SHROOM2: variants seen among roughly 807,000 people sequenced by gnomAD.
SHROOM2 encodes shroom family member 2, also known as protein Shroom2.
A neutral mutation model predicts 75.9 loss-of-function variants in SHROOM2; 33 were observed. The ratio of observed to expected loss-of-function variants is 0.43; its 90% CI spans 0.33 to 0.58. The LOEUF (loss-of-function observed/expected upper bound fraction) is 0.58. Among genes scored for constraint, SHROOM2 ranks in the 20% least tolerant of loss-of-function variants. SHROOM2 has a pLI of 0.04. For missense variants in SHROOM2, 1,434 were observed against 1,461.2 expected (o/e 0.98, Z 0.30); for synonymous variants, 655 against 663.6 (o/e 0.99, Z 0.20).
intron 1 of SHROOM2, among the ~76,000 whole-genome samples, chrX:9,830,216 C>T (rs775602827): frequency 1.2e-4 from 13 of 111,930 alleles, no homozygotes; most frequent in African/African-American, 2.9e-4. Context: ...CATGGGCCAC[C>T]GCACCTGGCA....
chrX:9,947,233 G>A lies in SHROOM2; in HGVS notation c.*296G>A. ...GCTGTGGGCTGGGCCTGTGGTGCCT[G>A]CCGAGTGGTCACTGTCAGTGGGAAA... On this transcript the variant is annotated 3_prime_UTR_variant, in exon 10 of 10. Transcript: ENST00000380913. The A allele has an allele frequency of 3.2e-6, 1 of 314,719 alleles. No individual in the cohort carries two copies. The highest frequency in any genetic ancestry group is 5.5e-6 in the Non-Finnish European group (1 of 182,429). The allele number at this position is 314,719 out of a possible 1,213,427, so 25.9% of individuals were successfully genotyped here.
intron 1 of SHROOM2, among the ~76,000 whole-genome samples, chrX:9,835,277 C>T (rs1421035261): frequency 2.7e-5 from 3 of 112,110 alleles, no homozygotes; most frequent in South Asian, 3.7e-4. Context: ...AATATATGCA[C>T]GGACAGATGT....
At chrX:9,908,975 A>AT (rs2084406469) in intron 5 of SHROOM2, among the ~76,000 whole-genome samples, 7 of 110,427 alleles carry the variant, frequency 6.3e-5, no homozygotes, top group Non-Finnish European at 9.5e-5. Flanking sequence ...AAATAAATAA[A>AT]AACAAAAATA....
intron 1 of SHROOM2, among the ~76,000 whole-genome samples, chrX:9,861,868 T>C (rs1028534484): frequency 9.0e-6 from 1 of 111,464 alleles, no homozygotes; most frequent in Non-Finnish European, 1.9e-5. Flanking sequence ...ATGTGATTAT[T>C]CCCTCCTGTC....
At chrX:9,841,204 C>T (rs1304213303) in intron 1 of SHROOM2, among the ~76,000 whole-genome samples, 4 of 111,911 alleles carry the variant, frequency 3.6e-5, no homozygotes, top group South Asian at 7.5e-4. Context: ...GATCCTTCCG[C>T]CTCGGCCTCC....
At chrX:9,824,715 G>A (rs1355886831) in intron 1 of SHROOM2, among the ~76,000 whole-genome samples, 1 of 111,916 alleles carries the variant, frequency 8.9e-6, no homozygotes. Context: ...TGGATCTGTA[G>A]CCCGCTGTGC....
chrX:9,915,872 T>C (rs781405328), intron 5 of SHROOM2, among the ~76,000 whole-genome samples: 1 of 111,858 alleles, frequency 8.9e-6, no homozygotes, highest in South Asian at 3.8e-4. Flanking sequence ...CAGTTTGGGG[T>C]CACGTGCAAT....
chrX:9,928,035 T>C (rs1003775647), intron 5 of SHROOM2, among the ~76,000 whole-genome samples: 17 of 112,269 alleles, frequency 1.5e-4, no homozygotes, highest in African/African-American at 5.2e-4. Context: ...GGTCCTGTCA[T>C]AGCATGCTGG....
At chrX:9,931,521 C>T (rs2084648268) in intron 5 of SHROOM2, among the ~76,000 whole-genome samples, 1 of 110,647 alleles carries the variant, frequency 9.0e-6, no homozygotes, top group Admixed American at 9.6e-5. Context: ...GTGGTGGGCA[C>T]CTATAGTCTC....
At chrX:9,801,116 CAGA>C (rs1245973277) in intron 1 of SHROOM2, among the ~76,000 whole-genome samples, 5 of 111,475 alleles carry the variant, frequency 4.5e-5, no homozygotes, top group Non-Finnish European at 9.4e-5. Context: ...CAAGGAAGAG[CAGA>C]AGGATGTCTT....
rs763981002 is a variant in SHROOM2, at chrX:9,927,559, A to G, written c.2892-4616A>G. Among the ~76,000 whole-genome samples, 70 of 111,257 alleles carry G rather than the reference A, an allele frequency of 6.3e-4. 1 individual carries two copies. The Admixed American group carries it at 6.7e-3, about 11-fold the overall frequency. ...TTAGTTGTGTTGGGAACATTCACAC[A>G]CAAGGTCCTTTCACGGAGAACTTAA... On this transcript the variant is annotated intron_variant, in intron 5 of 9. Transcript: ENST00000380913.
At chrX:9,898,950 T>C (rs142798377) in intron 5 of SHROOM2, among the ~76,000 whole-genome samples, 3,108 of 110,834 alleles carry the variant, frequency 0.028, 87 homozygotes, top group East Asian at 0.099. Flanking sequence ...ATTAAATACA[T>C]AGTATAATCT....
chrX:9,873,893 C>T (rs2084184585), intron 2 of SHROOM2, 90 bp downstream of exon 2: 2 of 955,006 alleles, frequency 2.1e-6, no homozygotes, highest in Non-Finnish European at 2.9e-6. Context: ...GCCCACATCA[C>T]TACAGAGATC....
Position 9,891,108 on chromosome X carries a change from G to T in SHROOM2, c.449G>T (p.Ser150Ile). The change falls in exon 3 of 10, where the codon AGT (serine) becomes ATT (isoleucine). Residue 150 changes from serine to isoleucine, a missense_variant and splice_region_variant. Physicochemically the swap from Ser to Ile is moderately radical, Grantham distance 142. This residue lies in a region of SHROOM2 where 1,340 missense variants were observed against 1,338.3 expected (regional missense o/e 1.00). Transcript: ENST00000380913. ...CPSWSGRHHA[S>I]SSSHDLSSSW... ...TCCTGGTCCGGCCGACACCACGCGA[G>T]GTAGGCACCCATTCCCGTCCAGGAT... 8.3e-7 allele frequency: 1 copy of T among 1,204,400 alleles called. No homozygotes were observed. Among genetic ancestry groups the T allele is most frequent in the East Asian group, 3.0e-5 (1 of 33,592 alleles).
chrX:9,858,760 G>A (rs1244187040), intron 1 of SHROOM2, among the ~76,000 whole-genome samples: 2 of 111,754 alleles, frequency 1.8e-5, no homozygotes, highest in Admixed American at 9.5e-5. Context: ...AGCTGAGACC[G>A]CGCCACTGCA....
intron 1 of SHROOM2, among the ~76,000 whole-genome samples, chrX:9,800,104 T>C (rs1376420982): frequency 1.8e-5 from 2 of 111,399 alleles, no homozygotes; most frequent in Non-Finnish European, 3.8e-5. Flanking sequence ...TGCTTTCTTC[T>C]CATGCCCAGC....
At chrX:9,815,507 A>T (rs1261295572) in intron 1 of SHROOM2, among the ~76,000 whole-genome samples, 1 of 106,820 alleles carries the variant, frequency 9.4e-6, no homozygotes, top group Non-Finnish European at 1.9e-5. Flanking sequence ...TATATCTCAT[A>T]TGTATATATC....
At chrX:9,917,668 G>A (rs2084503126) in intron 5 of SHROOM2, among the ~76,000 whole-genome samples, 1 of 111,213 alleles carries the variant, frequency 9.0e-6, no homozygotes, top group Non-Finnish European at 1.9e-5. Flanking sequence ...TTACAAGCAT[G>A]CGCCACCACG....
intron 1 of SHROOM2, among the ~76,000 whole-genome samples, chrX:9,808,603 T>G (rs924372717): frequency 9.1e-6 from 1 of 110,386 alleles, no homozygotes. Flanking sequence ...GGTTCACGCC[T>G]GTAATCCCAG....
Sources: gnomAD v4.1 joint callset for allele counts (sites outside exome capture counted in the v4.1 genomes callset) on GRCh38, gnomAD v4.1.1 for gene constraint, gnomAD v4.1.1 regional missense constraint, MANE v1.5 for transcripts, NCBI Gene and HGNC (gene_info 2026-07-23, HGNC 2026-07-21) for gene names.